CSMD1: variants seen among roughly 807,000 people sequenced by gnomAD.
CSMD1 encodes CUB and sushi domain-containing protein 1.
CSMD1 carries 213 observed loss-of-function variants against 417.5 expected under a neutral mutation model. That is an observed-to-expected ratio of 0.51 (90% confidence interval 0.46 to 0.57). The LOEUF is 0.57. Ranked by LOEUF, CSMD1 falls within the 20% of genes least tolerant of loss-of-function variation. The pLI is 0.00. For synonymous variants in CSMD1, 2,862 were observed against 1,736.8 expected (o/e 1.65, Z -16.11); for missense variants, 6,923 against 4,529.7 (o/e 1.53, Z -15.17).
At chr8:4,527,502 G>A (rs1365404166) in intron 2 of CSMD1, among the ~76,000 whole-genome samples, 3 of 152,166 alleles carry the variant, frequency 2.0e-5, no homozygotes, top group Non-Finnish European at 4.4e-5. Flanking sequence ...TATAAAGAAT[G>A]AGTATCACTT....
rs1810816966 is a variant in CSMD1 at position 4,744,383 on chromosome 8, C to A, written c.86-106825G>T. Among the ~76,000 whole-genome samples the A allele has an allele frequency of 1.3e-5, 2 of 152,306 alleles. 1 individual carries two copies. Among genetic ancestry groups the A allele is most frequent in the South Asian group, 4.1e-4 (2 of 4,828 alleles). ...ATTTCAGTGTTTCGTATTGTCTCTTCTCCAACCTCTCAGTTCGGTTCTAGC... is the reference window on the plus strand; with the variant it reads ...ATTTCAGTGTTTCGTATTGTCTCTTATCCAACCTCTCAGTTCGGTTCTAGC... On this transcript the variant is annotated intron_variant, in intron 1 of 69. Transcript: ENST00000635120.
intron 31 of CSMD1, among the ~76,000 whole-genome samples, chr8:3,202,482 T>G (rs1028135843): frequency 4.6e-5 from 7 of 152,200 alleles, no homozygotes; most frequent in African/African-American, 1.4e-4. Flanking sequence ...ACTACATGCT[T>G]TGTGACTTCA....
intron 1 of CSMD1, among the ~76,000 whole-genome samples, chr8:4,796,782 A>G (rs970621018): frequency 1.3e-5 from 2 of 152,178 alleles, no homozygotes; most frequent in Non-Finnish European, 2.9e-5. Context: ...CCCCTTTTGC[A>G]ATCACGGTGA....
chr8:4,820,582 G>A (rs1397204838), intron 1 of CSMD1, among the ~76,000 whole-genome samples: 3 of 152,124 alleles, frequency 2.0e-5, no homozygotes, highest in East Asian at 1.9e-4. Flanking sequence ...AAAGAAATGC[G>A]TGAAAACAAA....
intron 3 of CSMD1, among the ~76,000 whole-genome samples, chr8:4,306,235 G>A (rs1037448505): frequency 6.6e-6 from 1 of 152,102 alleles, no homozygotes; most frequent in African/African-American, 2.4e-5. Context: ...AAAATATCAC[G>A]ACACTAACAA....
At chr8:3,805,657 G>A (rs963040449) in intron 5 of CSMD1, among the ~76,000 whole-genome samples, 2 of 152,136 alleles carry the variant, frequency 1.3e-5, no homozygotes, top group African/African-American at 4.8e-5. Flanking sequence ...ATGAAGGCAA[G>A]TTGGGTATTT....
chr8:3,672,761 G>A (rs1220890237), intron 7 of CSMD1, among the ~76,000 whole-genome samples: 1 of 152,148 alleles, frequency 6.6e-6, no homozygotes, highest in Non-Finnish European at 1.5e-5. Flanking sequence ...AATGGAAGAA[G>A]GCTGCATATC....
intron 3 of CSMD1, among the ~76,000 whole-genome samples, chr8:4,182,359 C>T (rs891358938): frequency 6.6e-6 from 1 of 152,056 alleles, no homozygotes; most frequent in South Asian, 2.1e-4. Context: ...TTCCACATGC[C>T]TTACCCAAAG....
At chr8:3,685,783 T>C (rs1014353645) in intron 7 of CSMD1, among the ~76,000 whole-genome samples, 18 of 152,128 alleles carry the variant, frequency 1.2e-4, no homozygotes, top group African/African-American at 1.9e-4. Flanking sequence ...TATGGGTACA[T>C]TGAAGTTATA....
intron 2 of CSMD1, among the ~76,000 whole-genome samples, chr8:4,461,686 G>C (rs903643174): frequency 1.3e-5 from 2 of 151,140 alleles, no homozygotes; most frequent in South Asian, 4.2e-4. Flanking sequence ...GTATAGCTGG[G>C]GCCATGGGCA....
intron 3 of CSMD1, among the ~76,000 whole-genome samples, chr8:4,139,559 A>G (rs1803653030): frequency 2.0e-5 from 3 of 151,170 alleles, no homozygotes; most frequent in Admixed American, 1.3e-4. Flanking sequence ...CGATCTGCAT[A>G]TAGCTCCCTG....
chr8:4,697,312 T>C (rs1315433583), intron 1 of CSMD1, among the ~76,000 whole-genome samples: 1 of 152,212 alleles, frequency 6.6e-6, no homozygotes, highest in Non-Finnish European at 1.5e-5. Flanking sequence ...GACTTAGTTA[T>C]CATTGCCCTT....
rs188210607 is a variant in CSMD1, at chr8:3,749,401, T to A, written c.931+4529A>T. Among the ~76,000 whole-genome samples the A allele has an allele frequency of 4.9e-4, 74 of 152,268 alleles. No individual in the cohort carries two copies. In the East Asian group the frequency reaches 0.014, roughly 29 times the overall value. On this transcript the variant is annotated intron_variant, in intron 6 of 69. Coordinates refer to ENST00000635120, the MANE Select transcript of CSMD1 (RefSeq NM_033225.6). ...TTTAAGAGTAGCAACTGTAGAACAG[T>A]TTTACTTGTCAAGCAACCTTACTAC...
chr8:4,260,995 A>G (rs1370828366), intron 3 of CSMD1, among the ~76,000 whole-genome samples: 2 of 152,184 alleles, frequency 1.3e-5, no homozygotes, highest in African/African-American at 4.8e-5. Flanking sequence ...ACAACGTATC[A>G]TTCAATTAAA....
At chr8:3,479,714 A>C (rs1321225384) in intron 11 of CSMD1, among the ~76,000 whole-genome samples, 1 of 152,210 alleles carries the variant, frequency 6.6e-6, no homozygotes, top group Non-Finnish European at 1.5e-5. Flanking sequence ...GCTGGGACAC[A>C]ATCATCACAC....
chr8:3,412,528 A>G (rs955673126), intron 12 of CSMD1, among the ~76,000 whole-genome samples: 2 of 152,184 alleles, frequency 1.3e-5, no homozygotes, highest in African/African-American at 4.8e-5. Context: ...TTGATACATT[A>G]TCACACTAGC....
At chr8:3,915,872 T>C (rs188679020) in intron 5 of CSMD1, among the ~76,000 whole-genome samples, 3 of 149,774 alleles carry the variant, frequency 2.0e-5, no homozygotes, top group Non-Finnish European at 4.4e-5. Context: ...TCAATTGTTT[T>C]TGAATAACAA....
At chr8:3,329,606 C>T (rs949647062) in intron 23 of CSMD1, among the ~76,000 whole-genome samples, 2 of 152,202 alleles carry the variant, frequency 1.3e-5, no homozygotes, top group African/African-American at 4.8e-5. Flanking sequence ...ATGAGTGCGT[C>T]CCCTTCACAG....
intron 3 of CSMD1, among the ~76,000 whole-genome samples, chr8:4,160,431 G>A (rs918967716): frequency 6.6e-6 from 1 of 152,186 alleles, no homozygotes. Context: ...AAATAGTCCA[G>A]AATAAAGAAT....
Sources: gnomAD v4.1 joint callset for allele counts (sites outside exome capture counted in the v4.1 genomes callset) on GRCh38, gnomAD v4.1.1 for gene constraint, MANE v1.5 for transcripts, NCBI Gene and HGNC (gene_info 2026-07-23, HGNC 2026-07-21) for gene names.